ELOVL6: variants seen among roughly 807,000 people sequenced by gnomAD.
The protein encoded by ELOVL6 is very long chain fatty acid elongase 6.
ELOVL6 carries 8 observed loss-of-function variants against 31.7 expected under a neutral mutation model. That is an observed-to-expected ratio of 0.25 (90% CI 0.15 to 0.45). The LOEUF (loss-of-function observed/expected upper bound fraction) is 0.45. ELOVL6 is among the 20% of genes least tolerant of loss of function. ELOVL6 has a pLI of 1.00. For synonymous variants in ELOVL6, 101 were observed against 117.7 expected (o/e 0.86, Z 0.92); for missense variants, 126 against 326.4 (o/e 0.39, Z 4.73).
At chr4:110,060,544 A>G (rs953849445) in intron 2 of ELOVL6, among the ~76,000 whole-genome samples, 3 of 152,206 alleles carry the variant, frequency 2.0e-5, no homozygotes, top group Non-Finnish European at 2.9e-5. Flanking sequence ...AAAATAAACA[A>G]TTTCTTTAAA....
At position 110,149,674 on chromosome 4, in the gene ELOVL6, A is replaced by C. The variant is rs903658383; in HGVS notation, c.90-44046T>G. ...TGGTGGGTACGAAGTGTGTTGCTCC[A>C]CTGATGGATGCAATGAAGGCCTGAC... On this transcript the variant is annotated intron_variant, in intron 1 of 3. Coordinates refer to ENST00000302274, the MANE Select transcript of ELOVL6 (RefSeq NM_024090.3). Among the ~76,000 whole-genome samples the C allele has an allele frequency of 4.6e-5, 7 of 152,322 alleles. No individual in the cohort carries two copies. The East Asian group carries it at 1.3e-3, about 29-fold the overall frequency.
At position 110,049,550 on chromosome 4, in the gene ELOVL6, T is replaced by A. The variant is rs150566425; in HGVS notation, c.*1788A>T. Reference sequence around the variant, plus strand: ...AATAATTCGAAAAAATCCCTTTTACTGTACACTCTCAAAGCAAGAAAGAGA... The same window carrying A: ...AATAATTCGAAAAAATCCCTTTTACAGTACACTCTCAAAGCAAGAAAGAGA... On this transcript the variant is annotated 3_prime_UTR_variant, in exon 4 of 4. Transcript: ENST00000302274. 1 of 152,540 alleles carries A rather than the reference T, an allele frequency of 6.6e-6. No homozygotes were observed. The highest frequency in any genetic ancestry group is 1.5e-5 in the Non-Finnish European group (1 of 68,030). The allele number at this position is 152,540 out of a possible 1,614,324, so 9.4% of individuals were successfully genotyped here.
intron 2 of ELOVL6, among the ~76,000 whole-genome samples, chr4:110,072,950 A>G (rs1755532717): frequency 6.6e-6 from 1 of 152,218 alleles, no homozygotes; most frequent in African/African-American, 2.4e-5. Flanking sequence ...GATTTTGAAA[A>G]TGAGAATCAT....
chr4:110,070,153 C>T (rs1252461998), intron 2 of ELOVL6, among the ~76,000 whole-genome samples: 29 of 152,320 alleles, frequency 1.9e-4, no homozygotes, highest in South Asian at 4.1e-4. Context: ...GATGCCACAA[C>T]GCATTCCTGT....
intron 1 of ELOVL6, among the ~76,000 whole-genome samples, chr4:110,173,159 C>A (rs187034824): frequency 1.3e-5 from 2 of 152,150 alleles, no homozygotes; most frequent in African/African-American, 4.8e-5. Flanking sequence ...CCTGCTTCTC[C>A]GCCCAGACAG....
rs1755090719 is a variant in ELOVL6, at chr4:110,059,831, T to C, written c.222-77A>G. 4 of 1,386,870 alleles carry C rather than the reference T, an allele frequency of 2.9e-6. No homozygotes were observed. The East Asian group carries it at 7.0e-5, about 24-fold the overall frequency. The allele number at this position is 1,386,870 out of a possible 1,614,324, so 85.9% of individuals were successfully genotyped here. A position where few individuals can be genotyped will look rare whatever the true frequency, so the allele number is the denominator to read the frequency against. Reference sequence around the variant, plus strand: ...CTCACATCAACCATACTTAGAAGACTGGTTGGCCACTGGCAGGAAATAGGC... The same window carrying C: ...CTCACATCAACCATACTTAGAAGACCGGTTGGCCACTGGCAGGAAATAGGC... On this transcript the variant is annotated intron_variant, in intron 2 of 3. Transcript: ENST00000302274.
intron 1 of ELOVL6, among the ~76,000 whole-genome samples, chr4:110,151,374 TAAAC>T (rs1758276115): frequency 6.6e-6 from 1 of 152,198 alleles, no homozygotes; most frequent in Non-Finnish European, 1.5e-5. Context: ...TTTTATGCAT[TAAAC>T]AAAGTTTTGT....
At chr4:110,142,165 G>T (rs1203957963) in intron 1 of ELOVL6, among the ~76,000 whole-genome samples, 1 of 149,654 alleles carries the variant, frequency 6.7e-6, no homozygotes, top group Non-Finnish European at 1.5e-5. Context: ...CCACCTCCTG[G>T]GATCACACCA....
At chr4:110,111,706 T>TG (rs748507691) in intron 1 of ELOVL6, among the ~76,000 whole-genome samples, 2 of 151,966 alleles carry the variant, frequency 1.3e-5, no homozygotes, top group Non-Finnish European at 2.9e-5. Context: ...GATTTAAGAG[T>TG]GGACCCTGAA....
chr4:110,095,607 T>C (rs1756559453), intron 2 of ELOVL6, among the ~76,000 whole-genome samples: 1 of 151,936 alleles, frequency 6.6e-6, no homozygotes, highest in Non-Finnish European at 1.5e-5. Context: ...AAAAGGTGAG[T>C]CAAGGCAAGA....
At chr4:110,198,028 T>C (rs1759865948) in intron 1 of ELOVL6, 1 of 610,124 alleles carries the variant, frequency 1.6e-6, no homozygotes. Context: ...GATGCCTATG[T>C]AGCCGCGGTT....
chr4:110,069,037 A>G (rs1755386871), intron 2 of ELOVL6, among the ~76,000 whole-genome samples: 1 of 151,684 alleles, frequency 6.6e-6, no homozygotes, highest in Non-Finnish European at 1.5e-5. Context: ...GCTACTCAGG[A>G]GGCTGAGGCT....
chr4:110,103,364 A>G (rs718815), intron 2 of ELOVL6, among the ~76,000 whole-genome samples: 46,754 of 151,596 alleles, frequency 0.31, 8,239 homozygotes, highest in East Asian at 0.71. Flanking sequence ...CATCAAAATC[A>G]TATCTCAAAA....
intron 1 of ELOVL6, among the ~76,000 whole-genome samples, chr4:110,130,086 T>A (rs926899684): frequency 2.0e-5 from 3 of 151,764 alleles, no homozygotes; most frequent in South Asian, 2.1e-4. Flanking sequence ...TTAGTAGAGA[T>A]GGGGTTTCAC....
intron 1 of ELOVL6, among the ~76,000 whole-genome samples, chr4:110,113,835 G>A (rs1757105682): frequency 6.6e-6 from 1 of 152,144 alleles, no homozygotes; most frequent in Admixed American, 6.5e-5. Context: ...TCAGAAGGTG[G>A]TTCCAGCAGC....
chr4:110,106,446 G>A (rs180806878), intron 1 of ELOVL6, among the ~76,000 whole-genome samples: 143 of 152,194 alleles, frequency 9.4e-4, no homozygotes, highest in Non-Finnish European at 1.5e-3. Flanking sequence ...TGAGTGCTCC[G>A]GGGAAAGGGG....
intron 2 of ELOVL6, among the ~76,000 whole-genome samples, chr4:110,072,074 T>C (rs987969526): frequency 6.6e-6 from 1 of 152,230 alleles, no homozygotes; most frequent in Non-Finnish European, 1.5e-5. Context: ...CTGAAGCCTG[T>C]TGACTGACAG....
At position 110,051,569 on chromosome 4, in the gene ELOVL6, T is replaced by G. The variant is rs776872614; in HGVS notation, c.567A>C (p.Arg189=). 2.2e-5 allele frequency: 35 copies of G among 1,614,002 alleles called. No individual in the cohort carries two copies. Among genetic ancestry groups the G allele is most frequent in the Non-Finnish European group, 1.4e-5 (16 of 1,180,018 alleles). Residue 189 remains arginine (R), a synonymous_variant, in exon 4 of 4, where the codon CGA becomes CGC. Transcript: ENST00000302274. The surrounding 1 kb of genome is among the most constrained non-coding windows in gnomAD (Gnocchi z 4.8). ...TGAACATGGCAAACTTCCGGGAGAC[T>G]CGGAAACCTGCCGCCCGCAAGGCAT... ...SYYALRAAGF[R]VSRKFAMFIT... is the part of the protein sequence containing the mutation.
chr4:110,124,723 A>AG (rs1757448490), intron 1 of ELOVL6, among the ~76,000 whole-genome samples: 1 of 152,038 alleles, frequency 6.6e-6, no homozygotes, highest in Non-Finnish European at 1.5e-5. Flanking sequence ...AAAAAAAAAA[A>AG]GAATGTGTTT....
Sources: allele counts gnomAD v4.1 joint callset (sites outside exome capture counted in the v4.1 genomes callset), GRCh38; gene constraint gnomAD v4.1.1; non-coding constraint Gnocchi (gnomAD v3.1); transcripts MANE v1.5; gene names NCBI Gene and HGNC (gene_info 2026-07-23, HGNC 2026-07-21).